The following CREBRF variants were observed in gnomAD, a reference collection of about 807,000 sequenced individuals.
CREBRF encodes the protein CREB3 regulatory factor.
CREBRF carries 5 observed loss-of-function variants against 66.1 expected under a neutral mutation model. The observed-to-expected ratio is 0.08, with a 90% CI of 0.04 to 0.16. CREBRF has a LOEUF of 0.16. Among genes scored for constraint, CREBRF ranks in the 10% least tolerant of loss-of-function variants. The pLI is 1.00. For synonymous variants in CREBRF, 229 were observed against 264.4 expected (o/e 0.87, Z 1.30); for missense variants, 531 against 744.9 (o/e 0.71, Z 3.34).
intron 7 of CREBRF, among the ~76,000 whole-genome samples, chr5:173,116,598 T>C (rs540882360): frequency 6.6e-6 from 1 of 152,342 alleles, no homozygotes; most frequent in African/African-American, 2.4e-5. Context: ...TTCCATTGTA[T>C]GGATGTACTA....
intron 4 of CREBRF, among the ~76,000 whole-genome samples, chr5:173,092,528 TTAAAC>T (rs2113742066): frequency 6.6e-6 from 1 of 152,330 alleles, no homozygotes; most frequent in East Asian, 1.9e-4. Context: ...ATCTTTAAAT[TTAAAC>T]TAAAGTTATC....
intron 8 of CREBRF, among the ~76,000 whole-genome samples, chr5:173,126,322 CT>C (rs1561582362): frequency 6.6e-6 from 1 of 152,026 alleles, no homozygotes; most frequent in Non-Finnish European, 1.5e-5. Context: ...TGTGTTTTTA[CT>C]GGGGATGGGG....
intron 1 of CREBRF, among the ~76,000 whole-genome samples, chr5:173,060,900 G>T (rs1001719141): frequency 1.3e-5 from 2 of 152,184 alleles, no homozygotes; most frequent in African/African-American, 4.8e-5. Context: ...GTCAGGCTGT[G>T]CCTCTATTTG....
In CREBRF at chr5:173,090,743, T is replaced by G. The variant is rs1485916923; in HGVS notation, c.564T>G (p.Ser188=). The change falls in exon 4 of 9, where the codon TCT becomes TCG. Residue 188 remains serine (S), a synonymous_variant. Transcript: ENST00000296953. This position sits in a 1 kb window ranked among gnomAD's most constrained non-coding sequence, Gnocchi z 4.5. ...GAGCAGCTGCTCCTGTGTGTTCTTCTAAGACTCTGCAGGCTGAGGTCCCTT... is the reference window on the plus strand; with the variant it reads ...GAGCAGCTGCTCCTGTGTGTTCTTCGAAGACTCTGCAGGCTGAGGTCCCTT... The part of the protein sequence containing the change: ...TSRAAAPVCS[S]KTLQAEVPLS... 54 of 1,614,082 alleles carry G rather than the reference T, an allele frequency of 3.3e-5. No homozygotes were observed. The highest frequency in any genetic ancestry group is 4.2e-5 in the Non-Finnish European group (49 of 1,180,036).
In CREBRF at chr5:173,133,871, A is replaced by G; in HGVS notation, c.*126A>G. On this transcript the variant is annotated 3_prime_UTR_variant, in exon 9 of 9. Transcript: ENST00000296953. ...ATTTACAATTAGGTTACATTGTTTTAAGAACTAAGTAGCATAAGTGAAGCA... is the reference window on the plus strand; with the variant it reads ...ATTTACAATTAGGTTACATTGTTTTGAGAACTAAGTAGCATAAGTGAAGCA... The G allele has an allele frequency of 1.8e-6, 1 of 552,758 alleles. No individual in the cohort carries two copies. Among genetic ancestry groups the G allele is most frequent in the Non-Finnish European group, 3.2e-6 (1 of 307,946 alleles). The allele number at this position is 552,758 out of a possible 1,614,324, so 34.2% of individuals were successfully genotyped here.
In CREBRF at chr5:173,086,515, A is replaced by T. The variant is rs747279375; in HGVS notation, c.24A>T (p.Gly8=). MPQPSVS[G]MDPPFGDAFR... ...CTCTGTTGTAGCCTAGTGTAAGCGG[A>T]ATGGATCCGCCTTTCGGGGATGCCT... Residue 8 remains glycine, a synonymous_variant, in exon 3 of 9, where the codon GGA becomes GGT. Transcript: ENST00000296953. 6.2e-7 allele frequency: 1 copy of T among 1,614,074 alleles called. No individual in the cohort carries two copies. Among genetic ancestry groups the T allele is most frequent in the Non-Finnish European group, 8.5e-7 (1 of 1,179,990 alleles).
intron 1 of CREBRF, among the ~76,000 whole-genome samples, chr5:173,072,314 C>T (rs984604806): frequency 2.6e-5 from 4 of 151,168 alleles, no homozygotes; most frequent in Non-Finnish European, 4.4e-5. Flanking sequence ...CTTGCTCTGT[C>T]GCCCAGGCTG....
chr5:173,084,545 G>A (rs374920906), intron 2 of CREBRF, among the ~76,000 whole-genome samples: 70 of 152,214 alleles, frequency 4.6e-4, no homozygotes, highest in African/African-American at 1.5e-3. Context: ...GAGGGGGAAG[G>A]GGGGACCATA....
chr5:173,081,103 C>G (rs1412514100), intron 2 of CREBRF, among the ~76,000 whole-genome samples: 3 of 152,218 alleles, frequency 2.0e-5, no homozygotes, highest in Non-Finnish European at 4.4e-5. Context: ...TCTATCTCCT[C>G]ACTATTCCTA....
chr5:173,075,383 C>A (rs904574517), intron 1 of CREBRF, among the ~76,000 whole-genome samples: 1 of 152,138 alleles, frequency 6.6e-6, no homozygotes, highest in African/African-American at 2.4e-5. Flanking sequence ...GCATAGGCAA[C>A]CTCTGCTGCT....
chr5:173,081,512 G>A (rs1399477166), intron 2 of CREBRF, among the ~76,000 whole-genome samples: 1 of 152,120 alleles, frequency 6.6e-6, no homozygotes, highest in Non-Finnish European at 1.5e-5. Context: ...GGCTTTTTGT[G>A]TTGCCATACT....
At chr5:173,073,984 T>A (rs1467604003) in intron 1 of CREBRF, among the ~76,000 whole-genome samples, 1 of 41,662 alleles carries the variant, frequency 2.4e-5, no homozygotes, top group Admixed American at 2.3e-4. Flanking sequence ...AAAATAAAAA[T>A]AAATAAATAA....
At position 173,082,003 on chromosome 5, in the gene CREBRF, GTTTTTTTTTTTT is replaced by G. The variant is rs869148787; in HGVS notation, c.9+1236_9+1247del. On this transcript the variant is annotated intron_variant, in intron 2 of 8. Coordinates refer to ENST00000296953, the MANE Select transcript of CREBRF (RefSeq NM_153607.3). ...AGAGTGGTTGCCCATTCAAGGTTTA[GTTTTTTTTTTTT>G]TTTTTTTTTTTTTTTTGAGCTGGAG... Among the ~76,000 whole-genome samples, 119 of 78,076 alleles carry G rather than the reference GTTTTTTTTTTTT, an allele frequency of 1.5e-3. 1 individual carries two copies. In the Middle Eastern group the frequency reaches 0.035, roughly 23 times the overall value. 51.2% of individuals were successfully genotyped at this position (78,076 alleles called of 152,430 possible).
intron 8 of CREBRF, among the ~76,000 whole-genome samples, chr5:173,125,613 C>T (rs1265942422): frequency 6.6e-6 from 1 of 152,120 alleles, no homozygotes; most frequent in East Asian, 1.9e-4. Context: ...GCCTGTAATC[C>T]CAGCACTTTG....
Position 173,085,412 on chromosome 5 carries a change from T to TC in CREBRF, c.10-1088dup, listed in dbSNP as rs1758115724. The TC allele has an allele frequency of 3.2e-6, 3 of 946,090 alleles. No individual in the cohort carries two copies. In the East Asian group the frequency reaches 7.4e-5, roughly 23 times the overall value. The allele number at this position is 946,090 out of a possible 1,614,324, so 58.6% of individuals were successfully genotyped here. On this transcript the variant is annotated intron_variant, in intron 2 of 8. Coordinates refer to ENST00000296953, the MANE Select transcript of CREBRF (RefSeq NM_153607.3). ...GCCAATATTGTATCGTCAAATACATTCTTTTTTTTTTTTTCTTTTTGGAGA... is the reference window on the plus strand; with the variant it reads ...GCCAATATTGTATCGTCAAATACATTCCTTTTTTTTTTTTTCTTTTTGGAGA...
Position 173,068,940 on chromosome 5 carries a change from C to T in CREBRF, c.-191-11645C>T, listed in dbSNP as rs572111105. ...AAAAAAAATTAGCTGAGCGTGGTGG[C>T]GTGCACCTGTAGTCCCAGCTACTCA... On this transcript the variant is annotated intron_variant, in intron 1 of 8. Transcript: ENST00000296953. Among the ~76,000 whole-genome samples, 15 of 151,474 alleles carry T rather than the reference C, an allele frequency of 9.9e-5. No individual in the cohort carries two copies. The South Asian group carries it at 2.5e-3, about 25-fold the overall frequency.
chr5:173,116,407 A>G (rs916921562), intron 7 of CREBRF, among the ~76,000 whole-genome samples: 4 of 152,194 alleles, frequency 2.6e-5, no homozygotes. Context: ...CTATCCCTGG[A>G]TAGCCTCAAT....
intron 5 of CREBRF, chr5:173,109,795 A>G (rs2113772136): frequency 6.6e-6 from 1 of 152,478 alleles, no homozygotes; most frequent in African/African-American, 2.4e-5. Context: ...ACTAGCAACC[A>G]GGTGTACTAT....
rs982182098 is a variant in CREBRF at position 173,064,453 on chromosome 5, G to A, written c.-192+7974G>A. ...GGCTGAAGTGCAGGGGCACGATCAC[G>A]GCTCACTGCAGCCTTGACTTTCCAG... On this transcript the variant is annotated intron_variant, in intron 1 of 8. Coordinates refer to ENST00000296953, the MANE Select transcript of CREBRF (RefSeq NM_153607.3). Among the ~76,000 whole-genome samples, 16 of 152,084 alleles carry A rather than the reference G, an allele frequency of 1.1e-4. No homozygotes were observed. The South Asian group carries it at 1.5e-3, about 14-fold the overall frequency.
Sources: allele counts gnomAD v4.1 joint callset (sites outside exome capture counted in the v4.1 genomes callset), GRCh38; gene constraint gnomAD v4.1.1; non-coding constraint Gnocchi (gnomAD v3.1); transcripts MANE v1.5; gene names NCBI Gene and HGNC (gene_info 2026-07-23, HGNC 2026-07-21).